C6: variants seen among roughly 807,000 people sequenced by gnomAD.
C6 encodes the protein complement C6.
A neutral mutation model predicts 112.9 loss-of-function variants in C6; 101 were observed. The ratio of observed to expected loss-of-function variants is 0.89; its 90% CI spans 0.76 to 1.06. C6 has a LOEUF of 1.06. Among genes scored for constraint, C6 ranks in the 50% least tolerant of loss-of-function variants. C6 has a pLI of 0.00. For missense variants in C6, 1,202 were observed against 1,104.6 expected (o/e 1.09, Z -1.25); for synonymous variants, 431 against 384.1 (o/e 1.12, Z -1.43).
At chr5:41,181,296 T>A in intron 7 of C6, 63 bp downstream of exon 7, 1 of 1,417,470 alleles carries the variant, frequency 7.1e-7, no homozygotes, top group Non-Finnish European at 1.0e-6. Flanking sequence ...TCTTATTGCA[T>A]GATTACTGGA....
intron 1 of C6, among the ~76,000 whole-genome samples, chr5:41,247,719 G>GA (rs376007818): frequency 0.019 from 1,372 of 74,078 alleles, 17 homozygotes; most frequent in African/African-American, 0.062. Flanking sequence ...CTCCATCTCA[G>GA]AAAAAAAAAA....
In C6 at chr5:41,229,774, T is replaced by C. The variant is rs568549074; in HGVS notation, c.-20-26524A>G. ...AATGTAGTTACTGTTAACAGTGGGGTATTAAAGTTCAATACTATTGTTTTA... is the reference window on the plus strand; with the variant it reads ...AATGTAGTTACTGTTAACAGTGGGGCATTAAAGTTCAATACTATTGTTTTA... On this transcript the variant is annotated intron_variant, in intron 1 of 17. Coordinates refer to the C6 transcript ENST00000263413. Among the ~76,000 whole-genome samples the C allele has an allele frequency of 3.3e-4, 51 of 152,290 alleles. 1 individual carries two copies. Among genetic ancestry groups the C allele is most frequent in the African/African-American group, 1.2e-3 (50 of 41,560 alleles).
At position 41,197,996 on chromosome 5, in the gene C6, C is replaced by T. The variant is rs139052433; in HGVS notation, c.445+1772G>A. 5.7e-4 allele frequency among the ~76,000 whole-genome samples: 87 copies of T among 152,142 alleles called. 2 individuals carry two copies. Among genetic ancestry groups the T allele is most frequent in the African/African-American group, 1.8e-3 (73 of 41,514 alleles). ...GCACGTTTTTCCTATCCATTGGAAG[C>T]GATTTGTGTCACTGCAATAGTATTA... On this transcript the variant is annotated intron_variant, in intron 4 of 17. Transcript: ENST00000337836.
intron 11 of C6, 83 bp from the exon 12 acceptor site, chr5:41,159,336 C>G (rs1172865073): frequency 1.3e-6 from 2 of 1,538,196 alleles, no homozygotes; most frequent in African/African-American, 1.4e-5. Context: ...GGTTTCCTCA[C>G]TTTTTAGCTC....
chr5:41,195,062 G>C (rs1750502850), intron 5 of C6, among the ~76,000 whole-genome samples: 1 of 152,170 alleles, frequency 6.6e-6, no homozygotes, highest in South Asian at 2.1e-4. Flanking sequence ...TAAGCTTTCT[G>C]GGACTCGTTT....
chr5:41,154,982 C>T lies in C6; in HGVS notation c.2091G>A (p.Val697=), dbSNP rs890877619. ...LPDGTWRQGD[V]ECQRTECIKP... The stretch of plus-strand genomic sequence containing the variant: ...TTGCCCAGTTCTCACGTTGGCATTC[C>T]ACATCCCCTTGTCTCCAGGTCCCGT... The change falls in exon 14 of 18, where the codon GTG becomes GTA. Residue 697 remains valine (V), a synonymous_variant. Coordinates refer to ENST00000337836, the MANE Select transcript of C6 (RefSeq NM_000065.5). The T allele has an allele frequency of 1.9e-6, 3 of 1,613,628 alleles. No homozygotes were observed. In the African/African-American group the frequency reaches 4.0e-5, roughly 22 times the overall value.
chr5:41,178,466 C>CTTTTTTTT (rs70988836), intron 7 of C6, among the ~76,000 whole-genome samples: 35 of 101,576 alleles, frequency 3.4e-4, no homozygotes, highest in Middle Eastern at 7.0e-3. Flanking sequence ...TTTTCTTTTT[C>CTTTTTTTT]TTTTTTTTTT....
intron 1 of C6, among the ~76,000 whole-genome samples, chr5:41,260,458 AAAAC>A (rs148643010): frequency 1.2e-4 from 16 of 133,922 alleles, no homozygotes; most frequent in African/African-American, 4.0e-4. Flanking sequence ...ACCCCCCCCC[AAAAC>A]AAACAAACAA....
chr5:41,232,955 A>G (rs1368326972), intron 1 of C6, among the ~76,000 whole-genome samples: 1 of 152,016 alleles, frequency 6.6e-6, no homozygotes, highest in Non-Finnish European at 1.5e-5. Flanking sequence ...AGCCTTAAAT[A>G]CAGCAGATAT....
At chr5:41,222,933 C>G (rs1380809457) in intron 1 of C6, among the ~76,000 whole-genome samples, 1 of 152,148 alleles carries the variant, frequency 6.6e-6, no homozygotes, top group Non-Finnish European at 1.5e-5. Context: ...TAACTGTGTT[C>G]ATTTAACCAG....
At chr5:41,249,469 TACTTTGATGTAGTAAATCA>T (rs1407312755) in intron 1 of C6, among the ~76,000 whole-genome samples, 13 of 152,222 alleles carry the variant, frequency 8.5e-5, no homozygotes, top group African/African-American at 3.1e-4. Flanking sequence ...ACCTCTACTT[TACTTTGATGTAGTAAATCA>T]ACTTTAATTT....
At chr5:41,261,227 T>C in exon 1 of C6, 1 of 985,640 alleles carries the variant, frequency 1.0e-6, no homozygotes, top group Non-Finnish European at 1.2e-6. Context: ...TACCAGCAGA[T>C]ACTTCAGCAC....
At chr5:41,212,937 G>A (rs957459806) in intron 1 of C6, 1 of 152,178 alleles carries the variant, frequency 6.6e-6, no homozygotes, top group African/African-American at 2.4e-5. Context: ...GGATGCTCTA[G>A]TTTATCCCCA....
At chr5:41,228,341 G>T (rs189690916) in intron 1 of C6, among the ~76,000 whole-genome samples, 1 of 151,794 alleles carries the variant, frequency 6.6e-6, no homozygotes, top group Admixed American at 6.6e-5. Context: ...TTTGTTTATT[G>T]GTTCTAATAA....
At position 41,201,712 on chromosome 5, in the gene C6, T is replaced by C. The variant is rs774505498; in HGVS notation, c.146A>G (p.Gln49Arg). The change falls in exon 3 of 18, where the codon CAA becomes CGA. Residue 49 changes from glutamine to arginine, a missense_variant and splice_region_variant. By Grantham distance (43) the Gln-to-Arg change is conservative. Coordinates refer to ENST00000337836, the MANE Select transcript of C6 (RefSeq NM_000065.5). ...CTGGTAGTACTTATCTACTACTATTTGTCTGTAACCATGAAGAAGAAGTTG... is the reference window on the plus strand; with the variant it reads ...CTGGTAGTACTTATCTACTACTATTCGTCTGTAACCATGAAGAAGAAGTTG... ...CNSGTQSRHRQIVVDKYYQEN... is the reference protein window; with the variant it reads ...CNSGTQSRHRRIVVDKYYQEN... 6.2e-7 allele frequency: 1 copy of C among 1,613,300 alleles called. No individual in the cohort carries two copies. Among genetic ancestry groups the C allele is most frequent in the Non-Finnish European group, 8.5e-7 (1 of 1,179,528 alleles).
At chr5:41,258,322 C>A (rs1372542907) in intron 1 of C6, among the ~76,000 whole-genome samples, 1 of 152,162 alleles carries the variant, frequency 6.6e-6, no homozygotes, top group Non-Finnish European at 1.5e-5. Context: ...AGGATTCTGA[C>A]ACTTATTCAA....
intron 16 of C6, 151 bp from the exon 17 acceptor site, chr5:41,149,633 A>G: frequency 2.9e-6 from 3 of 1,032,984 alleles, no homozygotes; most frequent in Non-Finnish European, 4.4e-6. Context: ...TGAGAGGAAC[A>G]GGAAAGTGTT....
At chr5:41,249,600 A>G (rs1487154877) in intron 1 of C6, among the ~76,000 whole-genome samples, 1 of 152,220 alleles carries the variant, frequency 6.6e-6, no homozygotes, top group Non-Finnish European at 1.5e-5. Flanking sequence ...GTTAGGGATT[A>G]GCCAGATGTG....
chr5:41,165,618 A>G (rs906236612), intron 9 of C6, among the ~76,000 whole-genome samples: 2 of 152,082 alleles, frequency 1.3e-5, no homozygotes, highest in Non-Finnish European at 2.9e-5. Context: ...CAATTTTCCT[A>G]TATTATATGT....
Sources: gnomAD v4.1 joint callset for allele counts (sites outside exome capture counted in the v4.1 genomes callset) on GRCh38, gnomAD v4.1.1 for gene constraint, MANE v1.5 for transcripts, NCBI Gene and HGNC (gene_info 2026-07-23, HGNC 2026-07-21) for gene names.